The following PRR16 variants were observed in gnomAD, a reference collection of about 807,000 sequenced individuals.
The protein encoded by PRR16 is protein Largen.
Under a neutral mutation model 18.2 loss-of-function variants are expected in PRR16, and 6 were observed. The observed-to-expected ratio is 0.33, with a 90% CI of 0.18 to 0.65. PRR16 has a LOEUF of 0.65. PRR16 is among the 30% of genes least tolerant of loss of function. PRR16 has a pLI of 0.74. For missense variants in PRR16, 412 were observed against 376.6 expected (o/e 1.09, Z -0.78); for synonymous variants, 151 against 147.8 (o/e 1.02, Z -0.16).
chr5:120,585,065 C>T (rs911547377), intron 1 of PRR16, among the ~76,000 whole-genome samples: 1 of 152,190 alleles, frequency 6.6e-6, no homozygotes, highest in Non-Finnish European at 1.5e-5. Flanking sequence ...ATTTGCCCTT[C>T]CACCTTGGGA....
At chr5:120,774,888 T>C in the PRR16 span, among the ~76,000 whole-genome samples, 1 of 152,174 alleles carries the variant, frequency 6.6e-6, no homozygotes, top group Non-Finnish European at 1.5e-5. Context: ...TTCATCTGAT[T>C]CTCTTAAGGT....
intron 1 of PRR16, among the ~76,000 whole-genome samples, chr5:120,562,362 T>G (rs1464612779): frequency 6.6e-6 from 1 of 152,146 alleles, no homozygotes; most frequent in Non-Finnish European, 1.5e-5. Context: ...TTTCAGTCCA[T>G]GTGTATTTTT....
chr5:120,643,141 T>TA (rs1447748815), intron 1 of PRR16, among the ~76,000 whole-genome samples: 2 of 152,044 alleles, frequency 1.3e-5, no homozygotes, highest in Non-Finnish European at 2.9e-5. Context: ...AATGTAAGCT[T>TA]ATTGATAATA....
At chr5:120,606,017 GA>G (rs563910355) in intron 1 of PRR16, among the ~76,000 whole-genome samples, 1 of 152,276 alleles carries the variant, frequency 6.6e-6, no homozygotes, top group Non-Finnish European at 1.5e-5. Flanking sequence ...AGGCAGGGGG[GA>G]TGCAGGTGAG....
intron 1 of PRR16, among the ~76,000 whole-genome samples, chr5:120,530,316 T>A (rs1751511287): frequency 6.8e-6 from 1 of 146,122 alleles, no homozygotes; most frequent in Non-Finnish European, 1.5e-5. Context: ...TATTTATATT[T>A]TACTACACAC....
At chr5:120,516,422 TCA>T (rs1491456376) in intron 1 of PRR16, among the ~76,000 whole-genome samples, 1 of 57,266 alleles carries the variant, frequency 1.7e-5, no homozygotes, top group Non-Finnish European at 3.0e-5. Context: ...AGATTATGTC[TCA>T]AAAAAAAAAA....
intron 1 of PRR16, among the ~76,000 whole-genome samples, chr5:120,641,285 A>T (rs1454574025): frequency 6.6e-6 from 1 of 152,148 alleles, no homozygotes; most frequent in Non-Finnish European, 1.5e-5. Flanking sequence ...TTAAGTTTTG[A>T]TACCTGGTCT....
intron 1 of PRR16, chr5:120,617,076 T>G (rs907331940): frequency 1.0e-6 from 1 of 978,866 alleles, no homozygotes; most frequent in Admixed American, 6.2e-5. Context: ...TTTTTAAAGT[T>G]TTCTAATTTT....
chr5:120,703,582 A>T, the PRR16 span, among the ~76,000 whole-genome samples: 1 of 152,248 alleles, frequency 6.6e-6, no homozygotes, highest in Non-Finnish European at 1.5e-5. Context: ...TACTGAATTC[A>T]TAGAATGAAC....
At chr5:120,710,630 G>A in the PRR16 span, 1 of 152,128 alleles carries the variant, frequency 6.6e-6, no homozygotes, top group South Asian at 2.1e-4. Flanking sequence ...TATTGCTGCT[G>A]TAACAAGTAT....
At chr5:120,735,575 T>C in the PRR16 span, among the ~76,000 whole-genome samples, 2 of 152,210 alleles carry the variant, frequency 1.3e-5, no homozygotes, top group Non-Finnish European at 2.9e-5. Flanking sequence ...TTAGTGATCA[T>C]GAGCATCTTT....
the PRR16 span, among the ~76,000 whole-genome samples, chr5:120,694,571 C>T: frequency 1.3e-5 from 2 of 151,574 alleles, no homozygotes; most frequent in African/African-American, 4.9e-5. Flanking sequence ...GTAGTCCCAG[C>T]TACTCGGGAG....
chr5:120,508,359 GTGT>G (rs1414620752), intron 1 of PRR16, among the ~76,000 whole-genome samples: 2 of 152,124 alleles, frequency 1.3e-5, no homozygotes, highest in South Asian at 2.1e-4. Context: ...GCTGAAAACA[GTGT>G]TGTTTGGGTT....
Position 120,502,730 on chromosome 5 carries a change from G to A in PRR16, c.159+38085G>A, listed in dbSNP as rs541728482. Among the ~76,000 whole-genome samples the A allele has an allele frequency of 3.9e-5, 6 of 152,068 alleles. No individual in the cohort carries two copies. In the East Asian group the frequency reaches 7.7e-4, roughly 20 times the overall value. Reference sequence around the variant, plus strand: ...AGCATGTGACCTTGCCATTTTTGTCGGTCAAAATGGTTTCATACCAGCAAT... The same window carrying A: ...AGCATGTGACCTTGCCATTTTTGTCAGTCAAAATGGTTTCATACCAGCAAT... On this transcript the variant is annotated intron_variant, in intron 1 of 1. Coordinates refer to ENST00000407149, the MANE Select transcript of PRR16 (RefSeq NM_001300783.2).
At chr5:120,494,448 A>G (rs1419701507) in intron 1 of PRR16, among the ~76,000 whole-genome samples, 1 of 151,908 alleles carries the variant, frequency 6.6e-6, no homozygotes, top group Non-Finnish European at 1.5e-5. Context: ...TCTTCTGTCC[A>G]TTTTAAAATT....
At chr5:120,588,992 T>G (rs1007130251) in intron 1 of PRR16, among the ~76,000 whole-genome samples, 2 of 152,092 alleles carry the variant, frequency 1.3e-5, no homozygotes, top group Non-Finnish European at 2.9e-5. Flanking sequence ...GTAAACTTCC[T>G]GGATTAGAAT....
In PRR16 at chr5:120,464,502, A is replaced by C; in HGVS notation, c.16A>C (p.Lys6Gln). ...CCCCCAAAGAATGTCAGCCAAGTCC[A>C]AGGGGAACCCCTCCTCGTCCTGTCC... MSAKSKGNPSSSCPAE... is the reference protein window; with the variant it reads MSAKSQGNPSSSCPAE... The change falls in exon 1 of 2, where the codon AAG becomes CAG. Residue 6 changes from lysine to glutamine, a missense_variant. Lys to Gln is a moderately conservative substitution (Grantham distance 53). Coordinates refer to ENST00000407149, the MANE Select transcript of PRR16 (RefSeq NM_001300783.2). 1 of 1,590,762 alleles carries C rather than the reference A, an allele frequency of 6.3e-7. No homozygotes were observed. Among genetic ancestry groups the C allele is most frequent in the South Asian group, 1.1e-5 (1 of 89,056 alleles).
chr5:120,786,366 G>A, the PRR16 span, among the ~76,000 whole-genome samples: 2 of 151,660 alleles, frequency 1.3e-5, no homozygotes, highest in South Asian at 2.1e-4. Flanking sequence ...AAAGCAGAAT[G>A]GATAAACTGT....
chr5:120,490,127 G>T (rs1481766344), intron 1 of PRR16, among the ~76,000 whole-genome samples: 2 of 152,032 alleles, frequency 1.3e-5, no homozygotes. Context: ...ACAATTATGT[G>T]TCTTGGAGTT....
Sources: gnomAD v4.1 joint callset for allele counts (sites outside exome capture counted in the v4.1 genomes callset) on GRCh38, gnomAD v4.1.1 for gene constraint, MANE v1.5 for transcripts, NCBI Gene and HGNC (gene_info 2026-07-23, HGNC 2026-07-21) for gene names.